The following NBAS variants were observed in gnomAD, a reference collection of about 807,000 sequenced individuals.
NBAS encodes NBAS subunit of NRZ tethering complex.
A neutral mutation model predicts 302.5 loss-of-function variants in NBAS; 219 were observed. The ratio of observed to expected loss-of-function variants is 0.72; its 90% CI spans 0.65 to 0.81. NBAS has a LOEUF of 0.81. NBAS is among the 30% of genes least tolerant of loss of function. NBAS has a pLI of 0.00. For synonymous variants in NBAS, 1,118 were observed against 1,021.6 expected, an observed-to-expected ratio of 1.09 and a Z score of -1.80; for missense variants, 2,932 against 2,841.6, an observed-to-expected ratio of 1.03 and a Z score of -0.72.
At chr2:15,028,697 C>G in the NBAS span, among the ~76,000 whole-genome samples, 3 of 152,190 alleles carry the variant, frequency 2.0e-5, no homozygotes, top group Non-Finnish European at 2.9e-5. Context: ...CGAGATTTCC[C>G]TCTCCTAGAA....
chr2:15,183,540 C>T (rs774427412), intron 50 of NBAS, among the ~76,000 whole-genome samples: 8 of 152,200 alleles, frequency 5.3e-5, no homozygotes, highest in Non-Finnish European at 1.0e-4. Flanking sequence ...ACACATACAG[C>T]CTCAGCTCAT....
chr2:15,168,458 G>A (rs1329517149), intron 51 of NBAS, among the ~76,000 whole-genome samples: 1 of 152,094 alleles, frequency 6.6e-6, no homozygotes, highest in African/African-American at 2.4e-5. Context: ...ACTACCCACA[G>A]GGGTCATTCA....
the NBAS span, among the ~76,000 whole-genome samples, chr2:14,989,549 C>T: frequency 1.3e-3 from 201 of 151,862 alleles, 3 homozygotes; most frequent in African/African-American, 4.7e-3. Context: ...CAGAGTGAGA[C>T]ACCGTCTCAA....
the NBAS span, among the ~76,000 whole-genome samples, chr2:15,011,934 A>T: frequency 6.6e-6 from 1 of 152,206 alleles, no homozygotes; most frequent in Non-Finnish European, 1.5e-5. Context: ...TTCCTAAAAA[A>T]TCTACTCCAT....
chr2:15,471,717 T>A (rs1679963201), intron 16 of NBAS, among the ~76,000 whole-genome samples: 1 of 152,302 alleles, frequency 6.6e-6, no homozygotes, highest in South Asian at 2.1e-4. Flanking sequence ...AATTAGGTCA[T>A]GAGAGTGGAG....
chr2:15,533,673 G>GGTGT (rs1220581737), intron 9 of NBAS, among the ~76,000 whole-genome samples: 1 of 130,678 alleles, frequency 7.7e-6, no homozygotes, highest in Non-Finnish European at 1.6e-5. Flanking sequence ...GACTTCGGGG[G>GGTGT]GTGTGCGTGT....
the NBAS span, among the ~76,000 whole-genome samples, chr2:14,961,278 A>C: frequency 1.3e-5 from 2 of 152,078 alleles, no homozygotes; most frequent in African/African-American, 2.4e-5. Context: ...GTCTACTCCA[A>C]CTCTCATGTT....
the NBAS span, among the ~76,000 whole-genome samples, chr2:15,021,565 G>C: frequency 1.6e-3 from 249 of 152,306 alleles, 3 homozygotes; most frequent in African/African-American, 5.8e-3. Context: ...GGCACCAGCT[G>C]TCTCCAGTCT....
chr2:14,844,086 T>C, the NBAS span, among the ~76,000 whole-genome samples: 85,460 of 151,934 alleles, frequency 0.56, 26,433 homozygotes, highest in African/African-American at 0.84. Flanking sequence ...GGAGTGCCTG[T>C]CTGCACCAAC....
the NBAS span, among the ~76,000 whole-genome samples, chr2:14,834,415 G>T: frequency 6.6e-6 from 1 of 152,086 alleles, no homozygotes; most frequent in Non-Finnish European, 1.5e-5. Context: ...ACTGCAGATG[G>T]ACAATGAAGC....
the NBAS span, among the ~76,000 whole-genome samples, chr2:15,018,236 G>C: frequency 6.6e-6 from 1 of 151,930 alleles, no homozygotes; most frequent in Non-Finnish European, 1.5e-5. Context: ...ACCACTGTAG[G>C]ATGAGTATAG....
chr2:15,187,254 G>A (rs368912232), intron 49 of NBAS, among the ~76,000 whole-genome samples: 8 of 152,020 alleles, frequency 5.3e-5, no homozygotes, highest in Admixed American at 5.2e-4. Context: ...ACTGTGAAAA[G>A]GTATTTAATG....
chr2:15,132,110 AC>A, the NBAS span, among the ~76,000 whole-genome samples: 1 of 152,242 alleles, frequency 6.6e-6, no homozygotes, highest in South Asian at 2.1e-4. Context: ...TTAGGTCCAC[AC>A]AAAAACCTGC....
chr2:14,920,594 G>A, the NBAS span, among the ~76,000 whole-genome samples: 1 of 152,264 alleles, frequency 6.6e-6, no homozygotes, highest in Non-Finnish European at 1.5e-5. Context: ...GTTTAGTGTA[G>A]CCACCTTCAT....
At chr2:15,548,496 G>T (rs1414795397) in intron 6 of NBAS, among the ~76,000 whole-genome samples, 1 of 152,048 alleles carries the variant, frequency 6.6e-6, no homozygotes, top group Non-Finnish European at 1.5e-5. Context: ...ACAAAAAAAT[G>T]CCGGGTGTGA....
intron 40 of NBAS, among the ~76,000 whole-genome samples, chr2:15,299,101 A>G (rs1670683330): frequency 6.6e-6 from 1 of 152,174 alleles, no homozygotes; most frequent in African/African-American, 2.4e-5. Context: ...GAAAGCTTTT[A>G]GCCTCTAGGA....
the NBAS span, among the ~76,000 whole-genome samples, chr2:14,885,784 C>G: frequency 6.6e-6 from 1 of 152,032 alleles, no homozygotes; most frequent in African/African-American, 2.4e-5. Context: ...CCAGCAAGAA[C>G]GTATATCAGG....
chr2:15,188,685 C>T (rs1182225188), intron 49 of NBAS, among the ~76,000 whole-genome samples: 2 of 152,122 alleles, frequency 1.3e-5, no homozygotes, highest in African/African-American at 2.4e-5. Flanking sequence ...TTTGGGTTTA[C>T]AAATGCACTA....
intron 18 of NBAS, 99 bp from the exon 19 acceptor site, chr2:15,467,506 C>T (rs1016507340): frequency 9.2e-6 from 12 of 1,308,620 alleles, no homozygotes; most frequent in Non-Finnish European, 1.1e-6. Flanking sequence ...GCCCAAAACT[C>T]ATGAAACAGT....
Sources: gnomAD v4.1 joint callset for allele counts (sites outside exome capture counted in the v4.1 genomes callset) on GRCh38, gnomAD v4.1.1 for gene constraint, MANE v1.5 for transcripts, NCBI Gene and HGNC (gene_info 2026-07-23, HGNC 2026-07-21) for gene names.